SH3GL3: variants seen among roughly 807,000 people sequenced by gnomAD.
SH3GL3 encodes SH3 domain containing GRB2 like 3, endophilin A3.
SH3GL3 carries 33 observed loss-of-function variants against 47.7 expected under a neutral mutation model. The observed-to-expected ratio is 0.69, with a 90% confidence interval of 0.52 to 0.92. SH3GL3 has a LOEUF of 0.92. SH3GL3 is among the 40% of genes least tolerant of loss of function. The pLI is 0.00. For missense variants in SH3GL3, 363 were observed against 417.8 expected, an observed-to-expected ratio of 0.87 and a Z score of 1.14; for synonymous variants, 155 against 148.8, an observed-to-expected ratio of 1.04 and a Z score of -0.30.
At chr15:83,610,233 G>T (rs1282351943) in intron 8 of SH3GL3, among the ~76,000 whole-genome samples, 2 of 152,218 alleles carry the variant, frequency 1.3e-5, no homozygotes, top group Non-Finnish European at 1.5e-5. Flanking sequence ...AATGGGATTG[G>T]CTCAGAAATG....
At chr15:83,472,944 AT>A (rs2040897616) in intron 1 of SH3GL3, among the ~76,000 whole-genome samples, 1 of 152,078 alleles carries the variant, frequency 6.6e-6, no homozygotes, top group Non-Finnish European at 1.5e-5. Flanking sequence ...GGGTCTCATT[AT>A]TGCTGAGGGG....
intron 1 of SH3GL3, among the ~76,000 whole-genome samples, chr15:83,532,485 A>G (rs981368091): frequency 1.3e-5 from 2 of 152,198 alleles, no homozygotes; most frequent in Non-Finnish European, 2.9e-5. Context: ...GGTGGTTTCA[A>G]GGTGGGAGTG....
At chr15:83,521,959 G>A (rs886256450) in intron 1 of SH3GL3, among the ~76,000 whole-genome samples, 12 of 152,058 alleles carry the variant, frequency 7.9e-5, no homozygotes, top group Non-Finnish European at 1.3e-4. Flanking sequence ...TCTCATTCTC[G>A]CCACTTTTCC....
At chr15:83,495,693 C>T (rs1021093245) in intron 1 of SH3GL3, among the ~76,000 whole-genome samples, 5 of 151,926 alleles carry the variant, frequency 3.3e-5, no homozygotes, top group African/African-American at 4.8e-5. Flanking sequence ...GCCAAGATTG[C>T]ACCACTGCAC....
intron 1 of SH3GL3, among the ~76,000 whole-genome samples, chr15:83,518,827 C>T (rs2043093768): frequency 6.6e-6 from 1 of 152,112 alleles, no homozygotes; most frequent in South Asian, 2.1e-4. Context: ...GGCTGATGTC[C>T]AGAATGGTGT....
the SH3GL3 span, among the ~76,000 whole-genome samples, chr15:83,630,325 T>C: frequency 3.3e-5 from 5 of 152,144 alleles, no homozygotes; most frequent in African/African-American, 4.8e-5. Flanking sequence ...AAGATAAAAT[T>C]GATCAATTGG....
At chr15:83,620,485 A>G (rs1027245269), downstream of SH3GL3, among the ~76,000 whole-genome samples, 1 of 152,264 alleles carries the variant, frequency 6.6e-6, no homozygotes, top group African/African-American at 2.4e-5. Context: ...CATGAAAACA[A>G]CATTCATCTC....
chr15:83,512,334 TAACAAC>T (rs1474862415), intron 1 of SH3GL3, among the ~76,000 whole-genome samples: 2 of 152,162 alleles, frequency 1.3e-5, no homozygotes, highest in African/African-American at 4.8e-5. Flanking sequence ...TCATTTGCCT[TAACAAC>T]TCCACGTTTA....
chr15:83,571,731 C>T (rs2045825967), intron 4 of SH3GL3, among the ~76,000 whole-genome samples: 1 of 152,112 alleles, frequency 6.6e-6, no homozygotes, highest in African/African-American at 2.4e-5. Context: ...TGGAGCAACC[C>T]AATCTCCATC....
intron 1 of SH3GL3, among the ~76,000 whole-genome samples, chr15:83,479,286 T>C (rs193066460): frequency 5.5e-4 from 84 of 152,198 alleles, no homozygotes; most frequent in Non-Finnish European, 1.0e-3. Context: ...TGGTTGGCAC[T>C]CCACTGTAAG....
chr15:83,546,402 G>A (rs1290690701), intron 1 of SH3GL3, among the ~76,000 whole-genome samples: 2 of 150,040 alleles, frequency 1.3e-5, no homozygotes, highest in Non-Finnish European at 3.0e-5. Context: ...AGTTCTGCCA[G>A]GTCTGGGTCT....
chr15:83,545,196 G>T (rs2044337791), intron 1 of SH3GL3, among the ~76,000 whole-genome samples: 1 of 151,942 alleles, frequency 6.6e-6, no homozygotes, highest in Admixed American at 6.6e-5. Context: ...GATCTTGTTA[G>T]GTTTGCTCTA....
chr15:83,543,827 A>G (rs1418520296), intron 1 of SH3GL3, among the ~76,000 whole-genome samples: 1 of 152,000 alleles, frequency 6.6e-6, no homozygotes, highest in African/African-American at 2.4e-5. Context: ...GTAGTCTCTA[A>G]TGATCCTTTG....
intron 8 of SH3GL3, among the ~76,000 whole-genome samples, chr15:83,599,346 C>A (rs1039666083): frequency 5.3e-5 from 8 of 152,126 alleles, no homozygotes; most frequent in African/African-American, 1.9e-4. Flanking sequence ...TATCCCTTAC[C>A]CCTTCCACCC....
chr15:83,630,819 T>C, the SH3GL3 span, among the ~76,000 whole-genome samples: 1 of 152,086 alleles, frequency 6.6e-6, no homozygotes, highest in Non-Finnish European at 1.5e-5. Context: ...ATTCTGCCCC[T>C]GGCCCCCTCC....
At chr15:83,518,269 G>T (rs1184201011) in intron 1 of SH3GL3, among the ~76,000 whole-genome samples, 2 of 152,192 alleles carry the variant, frequency 1.3e-5, no homozygotes, top group African/African-American at 2.4e-5. Context: ...TGGGATTGCT[G>T]GGTTGAATGG....
chr15:83,617,738 GTA>G (rs2060864305), intron 8 of SH3GL3, among the ~76,000 whole-genome samples: 1 of 152,190 alleles, frequency 6.6e-6, no homozygotes, highest in Admixed American at 6.5e-5. Context: ...CAAAGAAACT[GTA>G]AGCTCCCAGA....
intron 1 of SH3GL3, among the ~76,000 whole-genome samples, chr15:83,549,547 A>G (rs2044560393): frequency 6.6e-6 from 1 of 152,106 alleles, no homozygotes; most frequent in Non-Finnish European, 1.5e-5. Flanking sequence ...CTTATTGGGG[A>G]GTCCTGACTC....
chr15:83,627,586 GA>G, the SH3GL3 span, among the ~76,000 whole-genome samples: 1 of 152,124 alleles, frequency 6.6e-6, no homozygotes, highest in African/African-American at 2.4e-5. Context: ...CTGTTCATTA[GA>G]ATCTAGACAA....
Sources: gnomAD v4.1 joint callset for allele counts (sites outside exome capture counted in the v4.1 genomes callset) on GRCh38, gnomAD v4.1.1 for gene constraint, MANE v1.5 for transcripts, NCBI Gene and HGNC (gene_info 2026-07-23, HGNC 2026-07-21) for gene names.